Variants in HEATR3 observed in about 807,000 individuals in gnomAD.
HEATR3 encodes the protein HEAT repeat containing 3.
HEATR3 carries 56 observed loss-of-function variants against 72.8 expected under a neutral mutation model. That is an observed-to-expected ratio of 0.77 (90% CI 0.62 to 0.96). HEATR3 has a LOEUF of 0.96. Ranked by LOEUF, HEATR3 falls within the 40% of genes least tolerant of loss-of-function variation. HEATR3 has a pLI of 0.00. For missense variants in HEATR3, 747 were observed against 831.4 expected (o/e 0.90, Z 1.25); for synonymous variants, 331 against 318.1 (o/e 1.04, Z -0.43).
chr16:50,093,073 T>G (rs1315284027), intron 11 of HEATR3, among the ~76,000 whole-genome samples: 2 of 152,178 alleles, frequency 1.3e-5, no homozygotes, highest in Non-Finnish European at 2.9e-5. Context: ...TCTCCTATTA[T>G]TCTGTGATCA....
At chr16:50,086,143 C>T (rs923158855) in intron 10 of HEATR3, 72 bp from the exon 11 acceptor site, 4 of 1,408,932 alleles carry the variant, frequency 2.8e-6, no homozygotes, top group Middle Eastern at 2.6e-4. Context: ...GAAGCTTAGG[C>T]TAAAAGTTAA....
intron 12 of HEATR3, among the ~76,000 whole-genome samples, chr16:50,099,177 A>G (rs994656710): frequency 6.6e-6 from 1 of 152,184 alleles, no homozygotes; most frequent in African/African-American, 2.4e-5. Context: ...ATAGCCTGCC[A>G]TGTGGCTGTT....
rs761863593 is a variant in HEATR3 at position 50,075,683 on chromosome 16, A to G, written c.735A>G (p.Glu245=). Reference sequence around the variant, plus strand: ...TGCTTTCTCCTGTCAGTTCCATGGAATCTCTTCTATTGAAGACATTGGTAG... The same window carrying G: ...TGCTTTCTCCTGTCAGTTCCATGGAGTCTCTTCTATTGAAGACATTGGTAG... ...SALLSPVSSM[E]SLLLKTLVAG... The change falls in exon 6 of 15, where the codon GAA becomes GAG. Residue 245 remains glutamate (E), a synonymous_variant. Coordinates refer to ENST00000299192, the MANE Select transcript of HEATR3 (RefSeq NM_182922.4). The G allele has an allele frequency of 6.8e-6, 11 of 1,613,664 alleles. No individual in the cohort carries two copies. The highest frequency in any genetic ancestry group is 3.3e-5 in the Admixed American group (2 of 60,000).
chr16:50,078,925 TA>T lies in HEATR3; in HGVS notation c.950del (p.Asn317MetfsTer5), dbSNP rs756296103. The T allele has an allele frequency of 6.2e-7, 1 of 1,614,074 alleles. No individual in the cohort carries two copies. The highest frequency in any genetic ancestry group is 1.1e-5 in the South Asian group (1 of 91,082). ...AGGCTGAGGAAATATTAGAGAACAC[TA>T]ATGGGGATGATTTGATTGAAGATGA... ...AEAEEILENT[N>X]GDDLIEDDEM... On this transcript the variant is annotated frameshift_variant, in exon 7 of 15. Coordinates refer to ENST00000299192, the MANE Select transcript of HEATR3 (RefSeq NM_182922.4). LOFTEE classifies it high-confidence loss of function.
Position 50,075,637 on chromosome 16 carries a change from T to C in HEATR3, c.689T>C (p.Leu230Ser). The change falls in exon 6 of 15, where the codon TTG becomes TCG. Residue 230 changes from leucine to serine, a missense_variant. By Grantham distance (145) the Leu-to-Ser change is moderately radical (BLOSUM62 -2). Coordinates refer to ENST00000299192, the MANE Select transcript of HEATR3 (RefSeq NM_182922.4). The stretch of plus-strand genomic sequence containing the variant: ...CTGAAGTCTTTCAGTGCTACAGCAT[T>C]GAACATGCTGGAATCAGCACTGCTT... ...ELLKSFSATALNMLESALLSP... is the reference protein window; with the variant it reads ...ELLKSFSATASNMLESALLSP... The C allele has an allele frequency of 6.2e-7, 1 of 1,613,242 alleles. No homozygotes were observed. The highest frequency in any genetic ancestry group is 8.5e-7 in the Non-Finnish European group (1 of 1,179,184).
intron 10 of HEATR3, among the ~76,000 whole-genome samples, chr16:50,085,238 T>G (rs1214964208): frequency 6.6e-6 from 1 of 152,220 alleles, no homozygotes; most frequent in Non-Finnish European, 1.5e-5. Flanking sequence ...TTAATTTCTT[T>G]CCCAGGTGCA....
chr16:50,085,989 C>G (rs1384543598), intron 10 of HEATR3, among the ~76,000 whole-genome samples: 1 of 151,990 alleles, frequency 6.6e-6, no homozygotes, highest in East Asian at 1.9e-4. Flanking sequence ...GATCACACCA[C>G]TGCACTCCAG....
At chr16:50,068,169 T>C (rs7200910) in intron 2 of HEATR3, among the ~76,000 whole-genome samples, 9,694 of 152,216 alleles carry the variant, frequency 0.064, 1,056 homozygotes, top group African/African-American at 0.22. Context: ...ATCTTCTGAC[T>C]ATCTCCATAT....
At chr16:50,071,285 G>A (rs984114931) in intron 4 of HEATR3, among the ~76,000 whole-genome samples, 1 of 152,184 alleles carries the variant, frequency 6.6e-6, no homozygotes, top group African/African-American at 2.4e-5. Context: ...ATGTTTCTTA[G>A]AATACAAGAT....
intron 12 of HEATR3, among the ~76,000 whole-genome samples, chr16:50,097,173 AATC>A (rs1167204941): frequency 6.6e-6 from 1 of 152,170 alleles, no homozygotes; most frequent in Non-Finnish European, 1.5e-5. Flanking sequence ...TTATATCACA[AATC>A]ATATGATATT....
chr16:50,104,604 T>C (rs1386566612), intron 14 of HEATR3, among the ~76,000 whole-genome samples: 2 of 152,200 alleles, frequency 1.3e-5, no homozygotes, highest in Admixed American at 6.5e-5. Flanking sequence ...TAGCAATGCA[T>C]ACTAACTAGG....
intron 3 of HEATR3, among the ~76,000 whole-genome samples, chr16:50,069,488 T>G (rs933892972): frequency 6.6e-6 from 1 of 152,210 alleles, no homozygotes; most frequent in Non-Finnish European, 1.5e-5. Context: ...GGGTATGATC[T>G]TGCTTCACAG....
In HEATR3 at chr16:50,105,056, T is replaced by G; in HGVS notation, c.2038T>G (p.Ser680Ala). The stretch of plus-strand genomic sequence containing the variant: ...AGAAACTGTTGAGAAAAGACTGACT[T>G]CTTAAACAATCCAAAAAAGAAACCA... ...YQETVEKRLT[S>A] is the part of the protein sequence containing the mutation. Residue 680 changes from serine (S) to alanine (A), a missense_variant, in exon 15 of 15, where the codon TCT becomes GCT. Around this residue, in one of 2 missense-constraint regions of HEATR3, gnomAD observed 586 missense variants for 708.8 expected, o/e 0.83. Coordinates refer to ENST00000299192, the MANE Select transcript of HEATR3 (RefSeq NM_182922.4). The G allele has an allele frequency of 6.2e-7, 1 of 1,608,908 alleles. No individual in the cohort carries two copies. The highest frequency in any genetic ancestry group is 8.5e-7 in the Non-Finnish European group (1 of 1,178,878).
At chr16:50,077,499 C>G (rs533002160) in intron 6 of HEATR3, among the ~76,000 whole-genome samples, 24 of 152,274 alleles carry the variant, frequency 1.6e-4, no homozygotes, top group African/African-American at 5.1e-4. Context: ...AAAGTACATT[C>G]AGATTGTTGT....
intron 2 of HEATR3, among the ~76,000 whole-genome samples, chr16:50,068,509 G>A (rs1288612391): frequency 6.6e-6 from 1 of 152,072 alleles, no homozygotes; most frequent in Non-Finnish European, 1.5e-5. Flanking sequence ...CATGAGAAAA[G>A]TCTCCCCTCT....
intron 4 of HEATR3, among the ~76,000 whole-genome samples, chr16:50,071,026 G>C (rs763327126): frequency 2.0e-5 from 3 of 152,138 alleles, no homozygotes; most frequent in Non-Finnish European, 4.4e-5. Flanking sequence ...GGCACTTACT[G>C]TCTGATTGGG....
chr16:50,103,836 G>C (rs1293835751), intron 14 of HEATR3, among the ~76,000 whole-genome samples: 1 of 152,040 alleles, frequency 6.6e-6, no homozygotes, highest in Non-Finnish European at 1.5e-5. Context: ...GACCAGCCTG[G>C]GAAACATAGC....
chr16:50,074,831 A>G (rs2036687914), intron 5 of HEATR3: 1 of 151,914 alleles, frequency 6.6e-6, no homozygotes, highest in Non-Finnish European at 1.5e-5. Flanking sequence ...AAATACAACA[A>G]ATTAGCCAAG....
chr16:50,077,513 G>A (rs1300444874), intron 6 of HEATR3, among the ~76,000 whole-genome samples: 1 of 152,178 alleles, frequency 6.6e-6, no homozygotes, highest in Non-Finnish European at 1.5e-5. Context: ...TTGTTGTGCA[G>A]TAAAAATCCG....
Sources: allele counts gnomAD v4.1 joint callset (sites outside exome capture counted in the v4.1 genomes callset), GRCh38; gene constraint gnomAD v4.1.1; regional missense constraint gnomAD v4.1.1; transcripts MANE v1.5; gene names NCBI Gene and HGNC (gene_info 2026-07-23, HGNC 2026-07-21).